Variants in OLAH observed in about 807,000 individuals in gnomAD.
OLAH encodes oleoyl-ACP hydrolase.
OLAH carries 33 observed loss-of-function variants against 27.8 expected under a neutral mutation model. The observed-to-expected ratio is 1.19, with a 90% CI of 0.90 to 1.59. OLAH has a LOEUF of 1.59. Among genes scored for constraint, OLAH ranks in the 40% most tolerant of loss-of-function variants. The probability of loss-of-function intolerance (pLI) is 0.00; values close to 1 mark genes in which losing one functional copy is unlikely to be tolerated. For missense variants in OLAH, 359 were observed against 310.8 expected (o/e 1.16, Z -1.17); for synonymous variants, 120 against 102.9 (o/e 1.17, Z -1.01).
intron 6 of OLAH, among the ~76,000 whole-genome samples, chr10:15,070,936 A>T (rs1422508441): frequency 6.6e-6 from 1 of 151,532 alleles, no homozygotes; most frequent in Non-Finnish European, 1.5e-5. Flanking sequence ...CAAGTACATG[A>T]CACCACACCT....
chr10:15,060,422 G>A (rs543672411), intron 3 of OLAH, among the ~76,000 whole-genome samples: 13 of 152,132 alleles, frequency 8.5e-5, no homozygotes, highest in South Asian at 6.2e-4. Flanking sequence ...GGCCCACCTC[G>A]GCCTGCCAAA....
At chr10:15,065,880 TG>T in intron 6 of OLAH, 127 bp downstream of exon 6, 1 of 767,180 alleles carries the variant, frequency 1.3e-6, no homozygotes, top group Non-Finnish European at 2.1e-6. Flanking sequence ...TCATTTCCTT[TG>T]GGGCCACCTA....
chr10:15,073,426 C>T lies in OLAH; in HGVS notation c.*197C>T, dbSNP rs1379210202. 1.9e-5 allele frequency: 9 copies of T among 470,480 alleles called. No individual in the cohort carries two copies. 29.1% of individuals were successfully genotyped at this position (470,480 alleles called of 1,614,324 possible). On this transcript the variant is annotated 3_prime_UTR_variant, in exon 8 of 8. Transcript: ENST00000378228. Reference sequence around the variant, plus strand: ...TACTTCTGGCAGCACTTTGGGAGGCCAAGGCGGGCGGATCACGAGGTCAGG... The same window carrying T: ...TACTTCTGGCAGCACTTTGGGAGGCTAAGGCGGGCGGATCACGAGGTCAGG...
intron 4 of OLAH, chr10:15,062,211 T>C (rs1452778044): frequency 5.8e-6 from 1 of 172,030 alleles, no homozygotes; most frequent in African/African-American, 2.4e-5. Context: ...TGGCTATCTC[T>C]TATCAGTTGT....
chr10:15,037,580 C>CAAAAA (rs66522152), intron 1 of OLAH, among the ~76,000 whole-genome samples: 3 of 141,208 alleles, frequency 2.1e-5, no homozygotes, highest in African/African-American at 7.8e-5. Context: ...GACTCCGTAT[C>CAAAAA]AAAAAAAAAA....
upstream of OLAH, among the ~76,000 whole-genome samples, chr10:15,039,577 CA>C (rs1053732373): frequency 1.3e-5 from 2 of 150,556 alleles, no homozygotes; most frequent in African/African-American, 2.4e-5. Context: ...AACTTTGCCT[CA>C]AAAAAAAAGA....
intron 6 of OLAH, among the ~76,000 whole-genome samples, chr10:15,069,333 A>C (rs573436214): frequency 1.1e-4 from 17 of 152,210 alleles, no homozygotes; most frequent in African/African-American, 4.1e-4. Flanking sequence ...TAGAGGGCTT[A>C]TGCTTTTATC....
chr10:15,039,228 TA>T (rs146384060), upstream of OLAH, among the ~76,000 whole-genome samples: 6 of 149,902 alleles, frequency 4.0e-5, no homozygotes, highest in East Asian at 3.9e-4. Flanking sequence ...TATGTCTCTC[TA>T]AAAAAAAAGG....
At chr10:15,060,327 G>A (rs1193975215) in intron 3 of OLAH, among the ~76,000 whole-genome samples, 14 of 151,914 alleles carry the variant, frequency 9.2e-5, no homozygotes, top group Admixed American at 3.9e-4. Context: ...ATGCCACCAC[G>A]CCCAGCCAAT....
chr10:15,065,881 G>A, intron 6 of OLAH, 128 bp downstream of exon 6: 1 of 768,516 alleles, frequency 1.3e-6, no homozygotes, highest in Non-Finnish European at 2.1e-6. Flanking sequence ...CATTTCCTTT[G>A]GGGCCACCTA....
chr10:15,039,249 C>G (rs529046667), upstream of OLAH, among the ~76,000 whole-genome samples: 2 of 152,098 alleles, frequency 1.3e-5, no homozygotes, highest in African/African-American at 4.8e-5. Flanking sequence ...GGAATTGCAA[C>G]TCAAAGAAAA....
upstream of OLAH, among the ~76,000 whole-genome samples, chr10:15,043,107 G>A (rs1024590744): frequency 7.2e-5 from 11 of 151,986 alleles, no homozygotes; most frequent in East Asian, 3.9e-4. Flanking sequence ...TGATCCACCC[G>A]CCTTGGCCTC....
upstream of OLAH, among the ~76,000 whole-genome samples, chr10:15,040,985 C>T (rs147414532): frequency 1.7e-3 from 262 of 152,296 alleles, no homozygotes; most frequent in African/African-American, 5.6e-3. Context: ...GTTTACCTGG[C>T]CATCTCACTC....
intron 2 of OLAH, among the ~76,000 whole-genome samples, chr10:15,048,437 C>T (rs568030701): frequency 1.4e-4 from 22 of 152,310 alleles, no homozygotes; most frequent in East Asian, 9.6e-4. Context: ...AGGCTGGTCT[C>T]GAACTCCTCA....
chr10:15,058,609 T>C (rs116897208), intron 3 of OLAH, among the ~76,000 whole-genome samples: 2,251 of 152,284 alleles, frequency 0.015, 30 homozygotes, highest in Non-Finnish European at 0.021. Context: ...TAGTAAGAAC[T>C]TCTGAGTTTG....
chr10:15,046,268 C>T (rs1436105838), intron 1 of OLAH, among the ~76,000 whole-genome samples: 1 of 150,564 alleles, frequency 6.6e-6, no homozygotes, highest in Non-Finnish European at 1.5e-5. Flanking sequence ...ATCATTTGAA[C>T]TTGAGCCACT....
At position 15,051,942 on chromosome 10, in the gene OLAH, T is replaced by C. The variant is rs571179822; in HGVS notation, c.163+2177T>C. On this transcript the variant is annotated intron_variant, in intron 3 of 7. Transcript: ENST00000378228. ...CACAAAAGCAAGCACAGACAATGCA[T>C]ACAAAATGAGCATGGCTGTGTCCCA... Among the ~76,000 whole-genome samples the C allele has an allele frequency of 2.0e-5, 3 of 152,256 alleles. No individual in the cohort carries two copies. The East Asian group carries it at 5.8e-4, about 29-fold the overall frequency.
intron 1 of OLAH, among the ~76,000 whole-genome samples, chr10:15,033,984 A>T (rs2131321998): frequency 6.6e-6 from 1 of 152,144 alleles, no homozygotes; most frequent in East Asian, 1.9e-4. Context: ...GGGAAAAGAG[A>T]CTGATGGGTT....
chr10:15,065,521 T>C, intron 5 of OLAH, 63 bp from the exon 6 acceptor site: 1 of 1,511,426 alleles, frequency 6.6e-7, no homozygotes, highest in Non-Finnish European at 8.9e-7. Flanking sequence ...TCAACAGTTT[T>C]CAGTTTATGA....
Sources: gnomAD v4.1 joint callset for allele counts (sites outside exome capture counted in the v4.1 genomes callset) on GRCh38, gnomAD v4.1.1 for gene constraint, MANE v1.5 for transcripts, NCBI Gene and HGNC (gene_info 2026-07-23, HGNC 2026-07-21) for gene names.